LTN1: variants seen among roughly 807,000 people sequenced by gnomAD.
The protein encoded by LTN1 is E3 ubiquitin-protein ligase listerin.
LTN1 carries 88 observed loss-of-function variants against 201.2 expected under a neutral mutation model. The ratio of observed to expected loss-of-function variants is 0.44; its 90% CI spans 0.37 to 0.52. The LOEUF is 0.52. Ranked by LOEUF, LTN1 falls within the 20% of genes least tolerant of loss-of-function variation. The pLI is 0.00. For synonymous variants in LTN1, 645 were observed against 713.5 expected, an observed-to-expected ratio of 0.90 and a Z score of 1.53; for missense variants, 1,752 against 2,038.7, an observed-to-expected ratio of 0.86 and a Z score of 2.71.
At chr21:28,943,053 G>A (rs1014138746) in intron 24 of LTN1, among the ~76,000 whole-genome samples, 5 of 152,072 alleles carry the variant, frequency 3.3e-5, no homozygotes, top group South Asian at 2.1e-4. Context: ...AGTAGCAAAC[G>A]GAAAATGTGA....
intron 6 of LTN1, among the ~76,000 whole-genome samples, chr21:28,977,851 C>T (rs2084628324): frequency 6.6e-6 from 1 of 151,938 alleles, no homozygotes; most frequent in Non-Finnish European, 1.5e-5. Context: ...TTGCTTGAAC[C>T]TGGGAGGTAG....
At chr21:28,965,072 C>T (rs533096768) in intron 11 of LTN1, among the ~76,000 whole-genome samples, 29 of 152,054 alleles carry the variant, frequency 1.9e-4, no homozygotes, top group South Asian at 1.9e-3. Flanking sequence ...AACTGCACAA[C>T]GATGTAAATA....
rs2084698339 is a variant in LTN1 at position 28,986,326 on chromosome 21, G to A, written c.247-89C>T. ...GTTCTGGAAGCTTTGTCTATTTTATGTAATAGGAGAATACACTATTTCTCT... is the reference window on the plus strand; with the variant it reads ...GTTCTGGAAGCTTTGTCTATTTTATATAATAGGAGAATACACTATTTCTCT... On this transcript the variant is annotated intron_variant, in intron 2 of 29. Transcript: ENST00000361371. This position sits in a 1 kb window ranked among gnomAD's most constrained non-coding sequence, Gnocchi z 4.1. 8.7e-6 allele frequency: 7 copies of A among 808,384 alleles called. No individual in the cohort carries two copies. Among genetic ancestry groups the A allele is most frequent in the South Asian group, 4.6e-5 (3 of 65,742 alleles). 50.1% of individuals were successfully genotyped at this position (808,384 alleles called of 1,614,324 possible). A position where few individuals can be genotyped will look rare whatever the true frequency, so the allele number is the denominator to read the frequency against.
intron 6 of LTN1, among the ~76,000 whole-genome samples, chr21:28,972,468 TAC>T (rs2146305167): frequency 6.6e-6 from 1 of 151,618 alleles, no homozygotes; most frequent in Non-Finnish European, 1.5e-5. Flanking sequence ...GTTCCTCATC[TAC>T]AGTTGATTGA....
intron 6 of LTN1, 47 bp from the exon 7 acceptor site, chr21:28,971,491 A>G (rs187693359): frequency 1.5e-5 from 23 of 1,558,964 alleles, no homozygotes; most frequent in Admixed American, 1.4e-4. Context: ...GTAAAACTTG[A>G]TAAGATTTTT....
intron 6 of LTN1, among the ~76,000 whole-genome samples, chr21:28,979,929 G>A (rs183438456): frequency 8.6e-4 from 131 of 152,212 alleles, no homozygotes; most frequent in Middle Eastern, 6.8e-3. Context: ...TCTAGATCAC[G>A]CCATTGCACT....
rs2084457243 is a variant in LTN1, at chr21:28,959,558, G to A, written c.2493C>T (p.Phe831=). The stretch of plus-strand genomic sequence containing the variant: ...TTAGCAAGCATCCTTTCGCTGAGCT[G>A]AAATAGTTATAGGCCACATCACAGA... The part of the protein sequence containing the change: ...SFICDVAYNY[F]SSAKGCLLMP... Residue 831 remains phenylalanine (F), a synonymous_variant, in exon 13 of 30, where the codon TTC becomes TTT. Transcript: ENST00000361371. 1.9e-6 allele frequency: 3 copies of A among 1,613,894 alleles called. No individual in the cohort carries two copies. The highest frequency in any genetic ancestry group is 2.2e-5 in the East Asian group (1 of 44,866).
intron 6 of LTN1, among the ~76,000 whole-genome samples, chr21:28,975,767 C>T (rs965998077): frequency 6.6e-6 from 1 of 152,166 alleles, no homozygotes; most frequent in Non-Finnish European, 1.5e-5. Context: ...TCACACATTG[C>T]TGGTAGGAGT....
intron 3 of LTN1, 41 bp from the exon 4 acceptor site, chr21:28,984,963 A>AT: frequency 1.4e-6 from 2 of 1,437,314 alleles, no homozygotes; most frequent in Non-Finnish European, 1.9e-6. Flanking sequence ...GCTCTAGCCC[A>AT]TAAAAACAAT....
At chr21:28,954,589 G>C (rs991657334) in intron 16 of LTN1, among the ~76,000 whole-genome samples, 1 of 152,116 alleles carries the variant, frequency 6.6e-6, no homozygotes, top group Non-Finnish European at 1.5e-5. Context: ...GACACACACA[G>C]ACCAATGGAA....
chr21:28,981,594 G>A (rs1413490747), intron 5 of LTN1, among the ~76,000 whole-genome samples: 1 of 152,162 alleles, frequency 6.6e-6, no homozygotes, highest in Admixed American at 6.5e-5. Context: ...TGGATATCAA[G>A]CCATCTAAGA....
chr21:28,934,995 C>T, intron 27 of LTN1, 114 bp downstream of exon 27: 1 of 742,674 alleles, frequency 1.3e-6, no homozygotes, highest in Non-Finnish European at 2.3e-6. Context: ...CGACTCCTGG[C>T]CACCAGTTTC....
intron 16 of LTN1, among the ~76,000 whole-genome samples, chr21:28,954,890 G>C (rs982383246): frequency 2.0e-5 from 3 of 152,118 alleles, no homozygotes; most frequent in African/African-American, 7.2e-5. Flanking sequence ...ATATTTTTAT[G>C]GCTAAGACTT....
Position 28,943,665 on chromosome 21 carries a change from A to T in LTN1, c.4220+2T>A. The T allele has an allele frequency of 6.4e-7, 1 of 1,568,900 alleles. No individual in the cohort carries two copies. Among genetic ancestry groups the T allele is most frequent in the Non-Finnish European group, 8.8e-7 (1 of 1,138,940 alleles). On this transcript the variant is annotated splice_donor_variant, in intron 23 of 29. Coordinates refer to ENST00000361371, the MANE Select transcript of LTN1 (RefSeq NM_015565.3). LOFTEE classifies it high-confidence loss of function. ...CATTGATTCAATTGGATGAATTCTT[A>T]CTTGTATAGCATATGATAAACAGCA... is the stretch of plus-strand genomic sequence containing the variant.
At chr21:28,967,875 A>G (rs1276356649) in intron 9 of LTN1, 2 of 152,086 alleles carry the variant, frequency 1.3e-5, no homozygotes, top group Non-Finnish European at 2.9e-5. Flanking sequence ...TCAGAATTGA[A>G]TTGGAGGACA....
At chr21:28,983,025 G>A (rs577686176) in intron 4 of LTN1, among the ~76,000 whole-genome samples, 1 of 152,346 alleles carries the variant, frequency 6.6e-6, no homozygotes, top group East Asian at 1.9e-4. Context: ...GTTGCTAGCT[G>A]ATGGCAGAGT....
intron 1 of LTN1, among the ~76,000 whole-genome samples, chr21:28,991,660 G>GA (rs1468420804): frequency 6.6e-6 from 1 of 152,150 alleles, no homozygotes; most frequent in Non-Finnish European, 1.5e-5. Context: ...AAACATTTGA[G>GA]AAAATCTGTT....
At chr21:28,953,617 A>G (rs1055886707) in intron 16 of LTN1, among the ~76,000 whole-genome samples, 3 of 152,206 alleles carry the variant, frequency 2.0e-5, no homozygotes, top group African/African-American at 4.8e-5. Context: ...ATTAGTTAAG[A>G]ATGTGACAAG....
At chr21:28,972,545 G>A (rs541139999) in intron 6 of LTN1, among the ~76,000 whole-genome samples, 1 of 152,112 alleles carries the variant, frequency 6.6e-6, no homozygotes, top group African/African-American at 2.4e-5. Context: ...AGCCTGAATG[G>A]ACTAAGACAG....
Sources: allele counts gnomAD v4.1 joint callset (sites outside exome capture counted in the v4.1 genomes callset), GRCh38; gene constraint gnomAD v4.1.1; non-coding constraint Gnocchi (gnomAD v3.1); transcripts MANE v1.5; gene names NCBI Gene and HGNC (gene_info 2026-07-23, HGNC 2026-07-21).